Variants in LSS observed in about 807,000 individuals in gnomAD.
LSS encodes 2,3-epoxysqualene-lanosterol cyclase.
In LSS, 90 loss-of-function variants were observed where a neutral mutation model predicts 110.3. The ratio of observed to expected loss-of-function variants is 0.82; its 90% CI spans 0.69 to 0.97. LSS has a LOEUF of 0.97. Ranked by LOEUF, LSS falls within the 50% of genes least tolerant of loss-of-function variation. LSS has a pLI of 0.00. For synonymous variants in LSS, 433 were observed against 400.0 expected, an observed-to-expected ratio of 1.08 and a Z score of -0.98; for missense variants, 927 against 990.0, an observed-to-expected ratio of 0.94 and a Z score of 0.85.
chr21:46,197,106 G>A (rs2079919828), intron 17 of LSS, among the ~76,000 whole-genome samples: 2 of 152,264 alleles, frequency 1.3e-5, no homozygotes, highest in South Asian at 4.1e-4. Flanking sequence ...AGTAATCAAT[G>A]TGTGTTGTTC....
chr21:46,204,435 G>T (rs2123716539), intron 17 of LSS, among the ~76,000 whole-genome samples: 1 of 151,700 alleles, frequency 6.6e-6, no homozygotes, highest in Non-Finnish European at 1.5e-5. Context: ...GGAAGAGGAG[G>T]ATGTCAGCGT....
At position 46,213,647 on chromosome 21, in the gene LSS, GGCACCGT is replaced by G; in HGVS notation, c.1109+84_1109+90del. ...GTATTCCCTGGCAGTATTCCCAGAT[GGCACCGT>G]GGGGGCCCCCTCACTGGGATGCAGC... On this transcript the variant is annotated intron_variant, in intron 10 of 21. Coordinates refer to ENST00000397728, the MANE Select transcript of LSS (RefSeq NM_002340.6). The G allele has an allele frequency of 1.4e-5, 13 of 956,132 alleles. No individual in the cohort carries two copies. In the South Asian group the frequency reaches 1.7e-4, roughly 12 times the overall value. The allele number at this position is 956,132 out of a possible 1,614,324, so 59.2% of individuals were successfully genotyped here.
rs149012686 is a variant in LSS at position 46,206,672 on chromosome 21, C to T, written c.1564G>A (p.Gly522Arg). Residue 522 changes from glycine to arginine, a missense_variant and splice_region_variant, in exon 16 of 22, where the codon GGG (glycine) becomes AGG (arginine). Gly to Arg is a moderately radical substitution (Grantham distance 125, BLOSUM62 -2). Coordinates refer to ENST00000397728, the MANE Select transcript of LSS (RefSeq NM_002340.6). ...LELLNPSEVF[G>R]DIMIDYTYVE... is the part of the protein sequence containing the mutation. Reference sequence around the variant, plus strand: ...GCCGCAGTGCTGGCCGACCACTCACCGAAGACCTCCGAGGGGTTCAGCAGC... The same window carrying T: ...GCCGCAGTGCTGGCCGACCACTCACTGAAGACCTCCGAGGGGTTCAGCAGC... 6.0e-4 allele frequency: 973 copies of T among 1,611,598 alleles called. No individual in the cohort carries two copies. Among genetic ancestry groups the T allele is most frequent in the Middle Eastern group, 8.2e-4 (5 of 6,080 alleles).
chr21:46,194,651 C>T lies in LSS; in HGVS notation c.1828G>A (p.Ala610Thr). 1 of 1,612,516 alleles carries T rather than the reference C, an allele frequency of 6.2e-7. No individual in the cohort carries two copies. The highest frequency in any genetic ancestry group is 8.5e-7 in the Non-Finnish European group (1 of 1,179,920). The change falls in exon 20 of 22, where the codon GCA (alanine) becomes ACA (threonine). Residue 610 changes from alanine to threonine, a missense_variant. Coordinates refer to ENST00000397728, the MANE Select transcript of LSS (RefSeq NM_002340.6). Reference sequence around the variant, plus strand: ...AAGTCACAGGCCCGGGAGACCTCTGCACAGGCAGTCCTGCAAAGACCAGAG... The same window carrying T: ...AAGTCACAGGCCCGGGAGACCTCTGTACAGGCAGTCCTGCAAAGACCAGAG... ...GQTYRDGTACAEVSRACDFLL... is the reference protein window; with the variant it reads ...GQTYRDGTACTEVSRACDFLL...
intron 6 of LSS, among the ~76,000 whole-genome samples, chr21:46,218,362 C>A (rs1007205225): frequency 3.3e-5 from 5 of 152,198 alleles, no homozygotes; most frequent in African/African-American, 9.6e-5. Context: ...GGAGCAGTGG[C>A]TCATGGCTCC....
chr21:46,228,554 G>T lies in LSS; in HGVS notation c.60C>A (p.Thr20=). The change falls in exon 2 of 22, where the codon ACC becomes ACA. Residue 20 remains threonine, a synonymous_variant. Transcript: ENST00000397728. ...AGTTGAGTCGCCAGCGGCCGAGGTC[G>T]GTGGCGGGCTCGGTCTTGTAGGGGC... ...RGGPYKTEPA[T]DLGRWRLNCE... The T allele has an allele frequency of 6.3e-7, 1 of 1,596,520 alleles. No individual in the cohort carries two copies. The highest frequency in any genetic ancestry group is 8.5e-7 in the Non-Finnish European group (1 of 1,177,656).
chr21:46,189,332 G>A lies in LSS; in HGVS notation c.*1772C>T, dbSNP rs113978064. Reference sequence around the variant, plus strand: ...TGTCTGTCCTGCTGCTACCCCACGTGGGGGAGAACACGTGGGCTGAGAAAA... The same window carrying A: ...TGTCTGTCCTGCTGCTACCCCACGTAGGGGAGAACACGTGGGCTGAGAAAA... On this transcript the variant is annotated 3_prime_UTR_variant, in exon 22 of 22. Transcript: ENST00000397728. 2.2e-5 allele frequency: 6 copies of A among 277,882 alleles called. No individual in the cohort carries two copies. Among genetic ancestry groups the A allele is most frequent in the Non-Finnish European group, 3.5e-5 (5 of 142,168 alleles). The allele number at this position is 277,882 out of a possible 1,614,324, so 17.2% of individuals were successfully genotyped here. A position where few individuals can be genotyped will look rare whatever the true frequency, so the allele number is the denominator to read the frequency against.
rs767531187 is a variant in LSS, at chr21:46,213,788, G to A, written c.1059C>T (p.Pro353=). 2.0e-5 allele frequency: 33 copies of A among 1,614,030 alleles called. No homozygotes were observed. The highest frequency in any genetic ancestry group is 1.1e-4 in the East Asian group (5 of 44,876). ...CATGCTCCTGGAAGGCAGTGGAGGCGGGCCCGTCCACATACCAGCGCACAA... is the reference window on the plus strand; with the variant it reads ...CATGCTCCTGGAAGGCAGTGGAGGCAGGCCCGTCCACATACCAGCGCACAA... ...NMLVRWYVDG[P]ASTAFQEHVS... Residue 353 remains proline (P), a synonymous_variant, in exon 10 of 22, where the codon CCC becomes CCT. Transcript: ENST00000397728.
chr21:46,210,227 G>C (rs565777351), intron 12 of LSS, among the ~76,000 whole-genome samples: 1 of 151,920 alleles, frequency 6.6e-6, no homozygotes, highest in East Asian at 1.9e-4. Context: ...CACCACGCTT[G>C]GCTAATTTTT....
chr21:46,199,326 T>A (rs977842066), intron 17 of LSS, among the ~76,000 whole-genome samples: 1 of 152,214 alleles, frequency 6.6e-6, no homozygotes, highest in Non-Finnish European at 1.5e-5. Context: ...GAGATACCAC[T>A]ACACACCTCT....
chr21:46,222,369 A>G, intron 4 of LSS: 1 of 554,540 alleles, frequency 1.8e-6, no homozygotes. Context: ...CTTAAGTGAT[A>G]ACAGACTGAC....
chr21:46,209,308 G>C lies in LSS; in HGVS notation c.1266+246C>G, dbSNP rs574572649. 1.1e-4 allele frequency among the ~76,000 whole-genome samples: 17 copies of C among 152,212 alleles called. 1 individual carries two copies. Among genetic ancestry groups the C allele is most frequent in the African/African-American group, 4.1e-4 (17 of 41,552 alleles). On this transcript the variant is annotated intron_variant, in intron 13 of 21. Transcript: ENST00000397728. The surrounding 1 kb of genome is among the most constrained non-coding windows in gnomAD (Gnocchi z 4.4). ...CACACAGTGGCTCCAACATGAGCAG[G>C]ACGCAGAAACTGCCAGCACCCCCAG...
chr21:46,211,342 G>A (rs1056800221), intron 11 of LSS, among the ~76,000 whole-genome samples: 1 of 152,136 alleles, frequency 6.6e-6, no homozygotes, highest in African/African-American at 2.4e-5. Flanking sequence ...TGTTAGCCAG[G>A]ATGGTCTCTA....
intron 17 of LSS, among the ~76,000 whole-genome samples, chr21:46,205,013 C>G (rs539481608): frequency 2.0e-5 from 3 of 152,104 alleles, no homozygotes; most frequent in African/African-American, 7.2e-5. Context: ...AAAATGTAAT[C>G]GTGATAGGAT....
At chr21:46,221,422 C>G (rs1468630222) in intron 5 of LSS, among the ~76,000 whole-genome samples, 1 of 152,158 alleles carries the variant, frequency 6.6e-6, no homozygotes, top group East Asian at 1.9e-4. Context: ...GGTAGTACAA[C>G]CAGCTCATTG....
intron 9 of LSS, among the ~76,000 whole-genome samples, chr21:46,214,961 G>C (rs146203612): frequency 4.6e-5 from 7 of 152,162 alleles, no homozygotes; most frequent in East Asian, 1.9e-4. Context: ...GGACGGAAGC[G>C]GGGGGTCGAG....
At chr21:46,225,905 G>A (rs2080333826) in intron 3 of LSS, among the ~76,000 whole-genome samples, 1 of 152,136 alleles carries the variant, frequency 6.6e-6, no homozygotes, top group South Asian at 2.1e-4. Flanking sequence ...CGTCTTGGTG[G>A]TAGTGGTCCC....
chr21:46,228,319 G>T, intron 2 of LSS, 115 bp downstream of exon 2: 1 of 1,255,704 alleles, frequency 8.0e-7, no homozygotes, highest in Non-Finnish European at 1.1e-6. Flanking sequence ...CGCTCGCCTT[G>T]GGGATGGGCG....
chr21:46,201,197 G>A (rs1479741096), intron 17 of LSS, among the ~76,000 whole-genome samples: 43 of 65,822 alleles, frequency 6.5e-4, no homozygotes, highest in Admixed American at 1.5e-3. Context: ...AGCCCTGAGG[G>A]TAGAGCCTGG....
Sources: gnomAD v4.1 joint callset for allele counts (sites outside exome capture counted in the v4.1 genomes callset) on GRCh38, gnomAD v4.1.1 for gene constraint, Gnocchi (gnomAD v3.1) non-coding constraint, MANE v1.5 for transcripts, NCBI Gene and HGNC (gene_info 2026-07-23, HGNC 2026-07-21) for gene names.